Variants in GTF3C3 observed in about 807,000 individuals in gnomAD.
GTF3C3 encodes the protein general transcription factor 3C polypeptide 3.
In GTF3C3, 75 loss-of-function variants were observed where a neutral mutation model predicts 105.2. The observed-to-expected ratio is 0.71, with a 90% confidence interval of 0.59 to 0.86. The LOEUF is 0.86. Ranked by LOEUF, GTF3C3 falls within the 40% of genes least tolerant of loss-of-function variation. The pLI is 0.00. For missense variants in GTF3C3, 856 were observed against 1,076.5 expected, an observed-to-expected ratio of 0.80 and a Z score of 2.87; for synonymous variants, 335 against 370.4, an observed-to-expected ratio of 0.90 and a Z score of 1.10.
At chr2:196,778,744 G>A (rs1699297450) in intron 10 of GTF3C3, 152 bp downstream of exon 10, 2 of 658,452 alleles carry the variant, frequency 3.0e-6, no homozygotes, top group South Asian at 3.7e-5. Flanking sequence ...AAATCACTTA[G>A]TAGCCTAGCA....
At position 196,764,435 on chromosome 2, in the gene GTF3C3, A is replaced by G. The variant is rs574640024; in HGVS notation, c.*128T>C. On this transcript the variant is annotated 3_prime_UTR_variant, in exon 18 of 18. Coordinates refer to ENST00000263956, the MANE Select transcript of GTF3C3 (RefSeq NM_012086.5). Reference sequence around the variant, plus strand: ...GATCATTATCACATATTAAAAATAAATACACTGTTTGTTAGGTAATTCTGA... The same window carrying G: ...GATCATTATCACATATTAAAAATAAGTACACTGTTTGTTAGGTAATTCTGA... 498 of 847,794 alleles carry G rather than the reference A, an allele frequency of 5.9e-4. No homozygotes were observed. Among genetic ancestry groups the G allele is most frequent in the Non-Finnish European group, 7.9e-4 (454 of 571,686 alleles). The allele number at this position is 847,794 out of a possible 1,614,324, so 52.5% of individuals were successfully genotyped here.
At chr2:196,784,111 A>G (rs1699414637) in intron 8 of GTF3C3, among the ~76,000 whole-genome samples, 1 of 152,160 alleles carries the variant, frequency 6.6e-6, no homozygotes, top group South Asian at 2.1e-4. Context: ...TTACATAATG[A>G]TGGAATTTTT....
chr2:196,764,691 G>C lies in GTF3C3; in HGVS notation c.2539-6C>G. 1 of 1,603,824 alleles carries C rather than the reference G, an allele frequency of 6.2e-7. No individual in the cohort carries two copies. Among genetic ancestry groups the C allele is most frequent in the Non-Finnish European group, 8.5e-7 (1 of 1,174,186 alleles). On this transcript the variant is annotated splice_region_variant and splice_polypyrimidine_tract_variant and intron_variant, in intron 17 of 17. Transcript: ENST00000263956. ...AACTGGTCAAGTTCTATACCCTAGGGAGAAAAAGATACCTTTATGTTTAAT... is the reference window on the plus strand; with the variant it reads ...AACTGGTCAAGTTCTATACCCTAGGCAGAAAAAGATACCTTTATGTTTAAT...
chr2:196,799,568 T>C lies in GTF3C3; in HGVS notation c.44A>G (p.Lys15Arg), dbSNP rs764897013. ...SPELIDYLEG[K>R]ISFEEFERRR... Reference sequence around the variant, plus strand: ...CCGTTCGAACTCCTCAAAGGAGATTTTCCCTTCCAAGTAGTCGATGAGTTC... The same window carrying C: ...CCGTTCGAACTCCTCAAAGGAGATTCTCCCTTCCAAGTAGTCGATGAGTTC... The change falls in exon 1 of 18, where the codon AAA becomes AGA. Residue 15 changes from lysine (K) to arginine (R), a missense_variant. Transcript: ENST00000263956. 6.2e-7 allele frequency: 1 copy of C among 1,614,214 alleles called. No homozygotes were observed. The highest frequency in any genetic ancestry group is 1.1e-5 in the South Asian group (1 of 91,090).
intron 8 of GTF3C3, among the ~76,000 whole-genome samples, chr2:196,781,997 G>A (rs1219997053): frequency 5.9e-5 from 9 of 152,156 alleles, no homozygotes; most frequent in Non-Finnish European, 1.0e-4. Flanking sequence ...TATCATGTAT[G>A]GGTTCTACAT....
chr2:196,796,514 A>G (rs1699648289), intron 2 of GTF3C3, among the ~76,000 whole-genome samples: 1 of 152,144 alleles, frequency 6.6e-6, no homozygotes, highest in African/African-American at 2.4e-5. Context: ...TTTTTTCTTC[A>G]TCTTTTAAGT....
intron 6 of GTF3C3, among the ~76,000 whole-genome samples, chr2:196,787,824 G>A (rs1365220906): frequency 6.6e-6 from 1 of 152,140 alleles, no homozygotes; most frequent in East Asian, 1.9e-4. Flanking sequence ...CTCCTGTATA[G>A]TACCTAGTGC....
At chr2:196,766,433 T>C (rs562854097) in intron 17 of GTF3C3, 132 bp downstream of exon 17, 70 of 654,536 alleles carry the variant, frequency 1.1e-4, no homozygotes, top group African/African-American at 8.9e-4. Flanking sequence ...CTGAACATAA[T>C]TACGTAAACA....
At position 196,764,403 on chromosome 2, in the gene GTF3C3, A is replaced by G. The variant is rs1053400188; in HGVS notation, c.*160T>C. On this transcript the variant is annotated 3_prime_UTR_variant, in exon 18 of 18. Coordinates refer to ENST00000263956, the MANE Select transcript of GTF3C3 (RefSeq NM_012086.5). Reference sequence around the variant, plus strand: ...TTTGTAGGAATAATTTTGCATATATACCACAAGATCATTATCACATATTAA... The same window carrying G: ...TTTGTAGGAATAATTTTGCATATATGCCACAAGATCATTATCACATATTAA... The G allele has an allele frequency of 2.3e-5, 14 of 613,326 alleles. No homozygotes were observed. Among genetic ancestry groups the G allele is most frequent in the Middle Eastern group, 8.8e-4 (2 of 2,282 alleles). The allele number at this position is 613,326 out of a possible 1,614,324, so 38.0% of individuals were successfully genotyped here.
intron 8 of GTF3C3, among the ~76,000 whole-genome samples, chr2:196,781,357 A>AAAAAAAAAAAATAT: frequency 3.7e-4 from 7 of 18,806 alleles, no homozygotes; most frequent in African/African-American, 7.2e-4. Flanking sequence ...AAAAAAAAAA[A>AAAAAAAAAAAATAT]ATATATATAT....
intron 12 of GTF3C3, 77 bp downstream of exon 12, chr2:196,775,933 G>C: frequency 1.6e-6 from 1 of 627,166 alleles, no homozygotes; most frequent in Non-Finnish European, 2.7e-6. Flanking sequence ...TTATAAAGTA[G>C]TATAATCTAT....
At chr2:196,787,934 A>G (rs1157462457) in intron 6 of GTF3C3, among the ~76,000 whole-genome samples, 1 of 152,160 alleles carries the variant, frequency 6.6e-6, no homozygotes, top group Non-Finnish European at 1.5e-5. Context: ...GAAAGACCTC[A>G]ATGGCAGTGG....
Position 196,776,682 on chromosome 2 carries a change from G to A in GTF3C3, c.1391-53C>T. 1 of 1,244,488 alleles carries A rather than the reference G, an allele frequency of 8.0e-7. No homozygotes were observed. Among genetic ancestry groups the A allele is most frequent in the South Asian group, 1.3e-5 (1 of 76,838 alleles). 77.1% of individuals were successfully genotyped at this position (1,244,488 alleles called of 1,614,324 possible). A position where few individuals can be genotyped will look rare whatever the true frequency, so the allele number is the denominator to read the frequency against. On this transcript the variant is annotated intron_variant, in intron 10 of 17. Coordinates refer to ENST00000263956, the MANE Select transcript of GTF3C3 (RefSeq NM_012086.5). This position sits in a 1 kb window ranked among gnomAD's most constrained non-coding sequence, Gnocchi z 4.5. Reference sequence around the variant, plus strand: ...GTATGAACTACAGATTTGTAAACTGGCCACAATTACTCTTCCATTTTAAAA... The same window carrying A: ...GTATGAACTACAGATTTGTAAACTGACCACAATTACTCTTCCATTTTAAAA...
intron 6 of GTF3C3, 45 bp downstream of exon 6, chr2:196,789,159 A>G: frequency 6.8e-7 from 1 of 1,476,044 alleles, no homozygotes; most frequent in Non-Finnish European, 9.2e-7. Context: ...GATTTGCAAA[A>G]CAAGATTAAC....
rs780848021 is a variant in GTF3C3 at position 196,764,623 on chromosome 2, A to C, written c.2601T>G (p.Tyr867Ter). The C allele has an allele frequency of 1.2e-6, 2 of 1,612,978 alleles. No individual in the cohort carries two copies. The highest frequency in any genetic ancestry group is 1.7e-5 in the Admixed American group (1 of 60,002). Residue 867 changes from tyrosine (Y) to a stop codon, truncating the protein, a stop_gained, in exon 18 of 18, where the codon TAT becomes TAG. Coordinates refer to ENST00000263956, the MANE Select transcript of GTF3C3 (RefSeq NM_012086.5). LOFTEE classifies it high-confidence loss of function. ...CCATTCCGGTATTCCCACTGCTCTG[A>C]TAGATGAGAGACAAGTTGTAGGCAA... ...RDIAYNLSLI[Y>*]QSSGNTGMAQ... is the part of the protein sequence containing the mutation.
intron 13 of GTF3C3, among the ~76,000 whole-genome samples, chr2:196,774,009 G>C (rs1049233248): frequency 2.0e-5 from 3 of 152,206 alleles, no homozygotes; most frequent in African/African-American, 7.2e-5. Flanking sequence ...GCATTCAAAT[G>C]TTTGCTCAGC....
intron 16 of GTF3C3, chr2:196,767,078 G>A (rs1376543654): frequency 1.3e-5 from 2 of 159,434 alleles, no homozygotes; most frequent in East Asian, 1.8e-4. Flanking sequence ...CTAAAAGATT[G>A]AGCAAGATAT....
intron 15 of GTF3C3, among the ~76,000 whole-genome samples, chr2:196,770,610 T>A (rs898672747): frequency 6.6e-6 from 1 of 152,220 alleles, no homozygotes; most frequent in African/African-American, 2.4e-5. Context: ...ATTCCATATA[T>A]ACAATCATCT....
chr2:196,784,138 C>A (rs62185604), intron 8 of GTF3C3, among the ~76,000 whole-genome samples: 14,258 of 152,090 alleles, frequency 0.094, 710 homozygotes, highest in South Asian at 0.13. Flanking sequence ...CATGACAGGC[C>A]ACGGAAGGAG....
Sources: gnomAD v4.1 joint callset for allele counts (sites outside exome capture counted in the v4.1 genomes callset) on GRCh38, gnomAD v4.1.1 for gene constraint, Gnocchi (gnomAD v3.1) non-coding constraint, MANE v1.5 for transcripts, NCBI Gene and HGNC (gene_info 2026-07-23, HGNC 2026-07-21) for gene names.